ANXA8: variants seen among roughly 807,000 people sequenced by gnomAD.
ANXA8 encodes the protein annexin A8, also known as VAC-beta.
In ANXA8, 9 loss-of-function variants were observed where a neutral mutation model predicts 26.8. That is an observed-to-expected ratio of 0.34 (90% CI 0.20 to 0.59). The LOEUF (loss-of-function observed/expected upper bound fraction) is 0.59. Among genes scored for constraint, ANXA8 ranks in the 20% least tolerant of loss-of-function variants. The pLI is 0.84. For synonymous variants in ANXA8, 39 were observed against 94.8 expected (o/e 0.41, Z 3.42); for missense variants, 83 against 238.5 (o/e 0.35, Z 4.29).
the ANXA8 span, among the ~76,000 whole-genome samples, chr10:47,615,565 C>T: frequency 5.6e-5 from 4 of 70,860 alleles, 2 homozygotes; most frequent in Non-Finnish European, 1.4e-4. Context: ...TGAACTAACT[C>T]GCCCAAAGTG....
At chr10:47,686,339 C>G in the ANXA8 span, among the ~76,000 whole-genome samples, 3 of 151,026 alleles carry the variant, frequency 2.0e-5, no homozygotes, top group East Asian at 5.8e-4. Context: ...ATGCCTCAGC[C>G]TCCTGAGTAG....
the ANXA8 span, among the ~76,000 whole-genome samples, chr10:47,646,008 A>G: frequency 1.5e-4 from 23 of 148,874 alleles, no homozygotes; most frequent in Admixed American, 9.2e-4. Flanking sequence ...TTGTGAGCCA[A>G]TTCCTCCCAA....
chr10:47,779,180 A>G, the ANXA8 span, among the ~76,000 whole-genome samples: 1 of 123,206 alleles, frequency 8.1e-6, no homozygotes, highest in Admixed American at 8.9e-5. Context: ...TCTCTTCAGT[A>G]TCTGCCTTCC....
chr10:47,591,636 C>T, the ANXA8 span, among the ~76,000 whole-genome samples: 2 of 143,134 alleles, frequency 1.4e-5, no homozygotes, highest in African/African-American at 5.8e-5. Flanking sequence ...TTACTAGAGA[C>T]GGGGTTTCAC....
chr10:47,548,269 C>T, the ANXA8 span, among the ~76,000 whole-genome samples: 5 of 147,716 alleles, frequency 3.4e-5, no homozygotes, highest in African/African-American at 9.8e-5. Flanking sequence ...TGTCACCCTA[C>T]ACCTCCTAAT....
chr10:47,491,737 T>C, the ANXA8 span: 2 of 1,546,372 alleles, frequency 1.3e-6, no homozygotes, highest in Non-Finnish European at 1.7e-6. Context: ...CTTTTATAGC[T>C]GCCTCTGGTG....
chr10:47,548,487 G>A, the ANXA8 span, among the ~76,000 whole-genome samples: 1 of 152,206 alleles, frequency 6.6e-6, no homozygotes, highest in African/African-American at 2.4e-5. Context: ...TTTTAGTAGA[G>A]ACGGGGTTTC....
the ANXA8 span, among the ~76,000 whole-genome samples, chr10:47,700,574 C>G: frequency 6.6e-6 from 1 of 151,528 alleles, no homozygotes; most frequent in Non-Finnish European, 1.5e-5. Flanking sequence ...AATGAATCCT[C>G]TGTAATCTTG....
chr10:47,685,628 A>T, the ANXA8 span, among the ~76,000 whole-genome samples: 1 of 151,794 alleles, frequency 6.6e-6, no homozygotes, highest in African/African-American at 2.4e-5. Context: ...TGTAAAGCAC[A>T]GTTGTATATG....
chr10:47,772,362 G>A, the ANXA8 span, among the ~76,000 whole-genome samples: 1 of 152,256 alleles, frequency 6.6e-6, no homozygotes, highest in Non-Finnish European at 1.5e-5. Context: ...ATCTGATAGG[G>A]AAAGTGTTTA....
chr10:47,918,383 G>GAGAAAGAA, the ANXA8 span, among the ~76,000 whole-genome samples: 1,000 of 10,498 alleles, frequency 0.095, 246 homozygotes, highest in Middle Eastern at 0.2. Flanking sequence ...GAGAGAGAGA[G>GAGAAAGAA]AGAAAGAAAG....
chr10:47,702,714 A>G, the ANXA8 span, among the ~76,000 whole-genome samples: 1 of 151,590 alleles, frequency 6.6e-6, no homozygotes, highest in Non-Finnish European at 1.5e-5. Flanking sequence ...GCTTACTCCA[A>G]CTTCCGCCTC....
the ANXA8 span, among the ~76,000 whole-genome samples, chr10:47,673,659 T>C: frequency 6.6e-6 from 1 of 151,882 alleles, no homozygotes; most frequent in Non-Finnish European, 1.5e-5. Context: ...TACAGCTTTT[T>C]TTTCTTTCTT....
At chr10:47,519,053 A>G in the ANXA8 span, among the ~76,000 whole-genome samples, 85 of 134,750 alleles carry the variant, frequency 6.3e-4, 13 homozygotes, top group Admixed American at 5.0e-3. Context: ...TTAACATGTG[A>G]CCCTTAATGT....
chr10:47,709,358 A>G, the ANXA8 span, among the ~76,000 whole-genome samples: 2 of 150,596 alleles, frequency 1.3e-5, no homozygotes, highest in East Asian at 1.9e-4. Context: ...TATTGCCAAT[A>G]TCTTATTTTG....
At chr10:47,553,420 T>TCCCAGTGC in the ANXA8 span, 27 of 158,400 alleles carry the variant, frequency 1.7e-4, no homozygotes, top group African/African-American at 6.3e-4. Flanking sequence ...CTCGCGATCT[T>TCCCAGTGC]CCCAGTGCCC....
the ANXA8 span, among the ~76,000 whole-genome samples, chr10:47,579,092 CTCGGCCTCCCAAAGTGCTGGGTACAGCCA>C: frequency 6.8e-6 from 1 of 146,924 alleles, no homozygotes; most frequent in African/African-American, 2.6e-5. Flanking sequence ...ATCCACCCGC[CTCGGCCTCCCAAAGTGCTGGGTACAGCCA>C]TGAGCCACTG....
At chr10:47,506,867 C>T in the ANXA8 span, among the ~76,000 whole-genome samples, 11 of 134,942 alleles carry the variant, frequency 8.2e-5, no homozygotes, top group Admixed American at 1.5e-4. Context: ...TCTCGATCTC[C>T]TGACCTTGTG....
the ANXA8 span, among the ~76,000 whole-genome samples, chr10:47,704,615 A>G: frequency 6.6e-6 from 1 of 151,530 alleles, no homozygotes; most frequent in East Asian, 1.9e-4. Flanking sequence ...CCATTATTAT[A>G]GATGGTTTAC....
Sources: gnomAD v4.1 joint callset for allele counts (sites outside exome capture counted in the v4.1 genomes callset) on GRCh38, gnomAD v4.1.1 for gene constraint, MANE v1.5 for transcripts, NCBI Gene and HGNC (gene_info 2026-07-23, HGNC 2026-07-21) for gene names.